Variants in ZNF594 observed in about 807,000 individuals in gnomAD.
The protein encoded by ZNF594 is zinc finger protein 594.
For synonymous variants in ZNF594, 336 were observed against 309.4 expected (o/e 1.09, Z -0.90); for missense variants, 1,037 against 964.6 (o/e 1.08, Z -0.99).
intron 1 of ZNF594, chr17:5,191,326 G>A (rs1361701849): frequency 6.6e-6 from 1 of 152,186 alleles, no homozygotes; most frequent in Non-Finnish European, 1.5e-5. Context: ...CTGAGTAGTA[G>A]AACATATATG....
At position 5,181,723 on chromosome 17, in the gene ZNF594, C is replaced by T. The variant is rs1598127385; in HGVS notation, c.*110G>A. 6.3e-7 allele frequency: 1 copy of T among 1,585,906 alleles called. No individual in the cohort carries two copies. Among genetic ancestry groups the T allele is most frequent in the African/African-American group, 1.3e-5 (1 of 74,378 alleles). On this transcript the variant is annotated 3_prime_UTR_variant, in exon 2 of 2. Coordinates refer to ENST00000575779, the MANE Select transcript of ZNF594 (RefSeq NM_032530.2). The stretch of plus-strand genomic sequence containing the variant: ...AAGACTTTCCCACATTCACTACATT[C>T]ATGAGGTTTCTCTCCAGTATGAACA...
rs1398828694 is a variant in ZNF594, at chr17:5,184,709, AAAAT to A, written c.-20-437_-20-434del. The stretch of plus-strand genomic sequence containing the variant: ...CTAGCAGCCACATAAGTAAATAATT[AAAAT>A]AAATAAATAAAAATAGAACAGCACA... On this transcript the variant is annotated intron_variant, in intron 1 of 1. Coordinates refer to ENST00000575779, the MANE Select transcript of ZNF594 (RefSeq NM_032530.2). Among the ~76,000 whole-genome samples, 28 of 152,350 alleles carry A rather than the reference AAAAT, an allele frequency of 1.8e-4. 1 individual carries two copies. Among genetic ancestry groups the A allele is most frequent in the African/African-American group, 6.5e-4 (27 of 41,582 alleles).
Position 5,181,510 on chromosome 17 carries a change from G to A in ZNF594, c.*323C>T. ...CCAGCATGCAGTCTCTGATGTTTGA[G>A]GAAAGCTGTGTGCCACATGAAGAGT... On this transcript the variant is annotated 3_prime_UTR_variant, in exon 2 of 2. Transcript: ENST00000575779. 1 of 1,613,862 alleles carries A rather than the reference G, an allele frequency of 6.2e-7. No individual in the cohort carries two copies. The highest frequency in any genetic ancestry group is 8.5e-7 in the Non-Finnish European group (1 of 1,179,854).
chr17:5,191,109 C>A (rs1431277772), intron 1 of ZNF594, among the ~76,000 whole-genome samples: 1 of 152,108 alleles, frequency 6.6e-6, no homozygotes, highest in Non-Finnish European at 1.5e-5. Flanking sequence ...TAGCCCCTTC[C>A]TCAGGGCCGA....
chr17:5,184,379 T>C, intron 1 of ZNF594, 103 bp from the exon 2 acceptor site: 2 of 1,157,960 alleles, frequency 1.7e-6, no homozygotes, highest in Non-Finnish European at 1.2e-6. Flanking sequence ...TCAGAAGACC[T>C]TTCCCTGCCA....
chr17:5,187,887 C>CTTTTTTTTTTTTTTTT (rs58396316), intron 1 of ZNF594, among the ~76,000 whole-genome samples: 1 of 132,588 alleles, frequency 7.5e-6, no homozygotes, highest in Non-Finnish European at 1.6e-5. Flanking sequence ...GCTGGATTTC[C>CTTTTTTTTTTTTTTTT]TTTTTTTTTT....
Position 5,183,644 on chromosome 17 carries a change from G to T in ZNF594, c.613C>A (p.His205Asn), listed in dbSNP as rs767514744. ...SSNLVRHKQI[H>N]SGGNPYECKE... ...CACTCATAGGGATTCCCACCACTGT[G>T]AATTTGCTTATGTCTCACCAGATTG... Residue 205 changes from histidine to asparagine, a missense_variant, in exon 2 of 2, where the codon CAC becomes AAC. His to Asn is a moderately conservative substitution (Grantham distance 68). Transcript: ENST00000575779. The T allele has an allele frequency of 1.1e-5, 17 of 1,614,070 alleles. No homozygotes were observed. The Admixed American group carries it at 2.8e-4, about 27-fold the overall frequency.
intron 1 of ZNF594, among the ~76,000 whole-genome samples, chr17:5,186,244 C>T (rs1432349506): frequency 1.3e-5 from 2 of 152,256 alleles, no homozygotes; most frequent in Non-Finnish European, 2.9e-5. Flanking sequence ...GGTGGAAGTT[C>T]CCAAACCTCA....
At position 5,182,574 on chromosome 17, in the gene ZNF594, A is replaced by T; in HGVS notation, c.1683T>A (p.Ile561=). The T allele has an allele frequency of 7.4e-6, 12 of 1,612,994 alleles. No individual in the cohort carries two copies. Among genetic ancestry groups the T allele is most frequent in the Non-Finnish European group, 1.0e-5 (12 of 1,179,614 alleles). ...QDEELRGEQK[I]HQEAKAYWCN... ...ACCAATAAGCTTTCGCTTCCTGGTG[A>T]ATTTTCTGCTCTCCCCTAAGCTCCT... is the stretch of plus-strand genomic sequence containing the variant. The change falls in exon 2 of 2, where the codon ATT becomes ATA. Residue 561 remains isoleucine, a synonymous_variant. Coordinates refer to ENST00000575779, the MANE Select transcript of ZNF594 (RefSeq NM_032530.2).
At chr17:5,175,758 C>T (rs1348245393), downstream of ZNF594, among the ~76,000 whole-genome samples, 2 of 151,970 alleles carry the variant, frequency 1.3e-5, no homozygotes. Flanking sequence ...CACCGAGAAA[C>T]CAGAGATGCC....
At chr17:5,178,337 T>C (rs970188225), downstream of ZNF594, among the ~76,000 whole-genome samples, 18 of 152,314 alleles carry the variant, frequency 1.2e-4, no homozygotes, top group Admixed American at 6.5e-5. Flanking sequence ...TATGATTATT[T>C]ACAGTATATG....
downstream of ZNF594, among the ~76,000 whole-genome samples, chr17:5,176,395 C>CAAA (rs34510280): frequency 4.7e-5 from 4 of 85,616 alleles, no homozygotes; most frequent in Non-Finnish European, 7.0e-5. Flanking sequence ...AACTCTGTCT[C>CAAA]AAAAAAAAAA....
At position 5,183,318 on chromosome 17, in the gene ZNF594, G is replaced by A. The variant is rs2074361716; in HGVS notation, c.939C>T (p.His313=). The part of the protein sequence containing the change: ...AFRQHSHLTE[H]QRLHSGEKPY... The stretch of plus-strand genomic sequence containing the variant: ...GTTTCTCTCCACTGTGGAGTCTCTG[G>A]TGTTCAGTAAGGTGAGAATGCTGCC... Residue 313 remains histidine (H), a synonymous_variant, in exon 2 of 2, where the codon CAC becomes CAT. Transcript: ENST00000575779. The A allele has an allele frequency of 6.2e-7, 1 of 1,613,866 alleles. No homozygotes were observed. Among genetic ancestry groups the A allele is most frequent in the Non-Finnish European group, 8.5e-7 (1 of 1,179,986 alleles).
chr17:5,182,389 G>A lies in ZNF594; in HGVS notation c.1868C>T (p.Pro623Leu), dbSNP rs1374166773. Residue 623 changes from proline to leucine, a missense_variant, in exon 2 of 2, where the codon CCT becomes CTT. Transcript: ENST00000575779. ...TTTCCCACATTTGTTGCATACATAA[G>A]GTTTTTCTCCACTGTGAATTCTATG... ...RHHRIHSGEK[P>L]YVCNKCGKSF... 4.3e-6 allele frequency: 7 copies of A among 1,613,478 alleles called. No individual in the cohort carries two copies. The highest frequency in any genetic ancestry group is 5.9e-6 in the Non-Finnish European group (7 of 1,179,992).
In ZNF594 at chr17:5,183,863, A is replaced by G; in HGVS notation, c.394T>C (p.Cys132Arg). 1 of 1,613,352 alleles carries G rather than the reference A, an allele frequency of 6.2e-7. No individual in the cohort carries two copies. Among genetic ancestry groups the G allele is most frequent in the South Asian group, 1.1e-5 (1 of 90,850 alleles). The change falls in exon 2 of 2, where the codon TGT becomes CGT. Residue 132 changes from cysteine (C) to arginine (R), a missense_variant. By Grantham distance (180) the Cys-to-Arg change is radical. Transcript: ENST00000575779. ...GAACTCCTGTTGAAGGTTTTTTCAC[A>G]TTCCTTACATTCATAGGTCTTATTT... ...NINKTYECKE[C>R]EKTFNRSSNL...
chr17:5,185,826 C>CAA (rs1197461598), intron 1 of ZNF594, among the ~76,000 whole-genome samples: 1 of 152,156 alleles, frequency 6.6e-6, no homozygotes, highest in Non-Finnish European at 1.5e-5. Context: ...TCCAGCAAGG[C>CAA]AATCAAATTT....
In ZNF594 at chr17:5,180,861, A is replaced by C. The variant is rs1457963911; in HGVS notation, c.*972T>G. The C allele has an allele frequency of 2.2e-6, 1 of 448,730 alleles. No homozygotes were observed. Among genetic ancestry groups the C allele is most frequent in the Non-Finnish European group, 4.1e-6 (1 of 242,920 alleles). 27.8% of individuals were successfully genotyped at this position (448,730 alleles called of 1,614,324 possible). ...ACCTTCCCATGGTTTTTTTCTAATA[A>C]AACTCATTTGTAGTGCAATAAGATG... On this transcript the variant is annotated 3_prime_UTR_variant, in exon 2 of 2. Coordinates refer to ENST00000575779, the MANE Select transcript of ZNF594 (RefSeq NM_032530.2).
In ZNF594 at chr17:5,181,872, C is replaced by T. The variant is rs761437259; in HGVS notation, c.2385G>A (p.Gly795=). 4.4e-5 allele frequency: 71 copies of T among 1,613,680 alleles called. No individual in the cohort carries two copies. The South Asian group carries it at 7.5e-4, about 17-fold the overall frequency. The change falls in exon 2 of 2, where the codon GGG becomes GGA. Residue 795 remains glycine, a synonymous_variant. Coordinates refer to ENST00000575779, the MANE Select transcript of ZNF594 (RefSeq NM_032530.2). ...AAGGTCTGAGCTCTGATTGAGTTTT[C>T]CCACATTCTTTACATTCATATGGTT... is the stretch of plus-strand genomic sequence containing the variant. ...REKPYECKEC[G]KTQSELRPSE...
rs1465472081 is a variant in ZNF594 at position 5,182,146 on chromosome 17, C to T, written c.2111G>A (p.Gly704Asp). 6.2e-7 allele frequency: 1 copy of T among 1,613,582 alleles called. No individual in the cohort carries two copies. Among genetic ancestry groups the T allele is most frequent in the Non-Finnish European group, 8.5e-7 (1 of 1,179,986 alleles). ...LLIQHRRLHS[G>D]EKPYECKECG... is the part of the protein sequence containing the mutation. ...TTCCTTACATTCATAGGGTTTCTCA[C>T]CACTATGAAGTCTCCGATGTTGAAT... The change falls in exon 2 of 2, where the codon GGT becomes GAT. Residue 704 changes from glycine to aspartate, a missense_variant. By Grantham distance (94) the Gly-to-Asp change is moderately conservative (BLOSUM62 -1). Transcript: ENST00000575779.
Sources: gnomAD v4.1 joint callset for allele counts (sites outside exome capture counted in the v4.1 genomes callset) on GRCh38, gnomAD v4.1.1 for gene constraint, MANE v1.5 for transcripts, NCBI Gene and HGNC (gene_info 2026-07-23, HGNC 2026-07-21) for gene names.